Variants in GTPBP10 observed in about 807,000 individuals in gnomAD.
The protein encoded by GTPBP10 is GTP binding protein 10.
In GTPBP10, 38 loss-of-function variants were observed where a neutral mutation model predicts 44.8. The observed-to-expected ratio is 0.85, with a 90% CI of 0.65 to 1.11. The LOEUF (loss-of-function observed/expected upper bound fraction) is 1.11, where lower values mean the gene tolerates loss of function less well. Ranked by LOEUF, GTPBP10 falls within the 50% of genes most tolerant of loss-of-function variation. The pLI is 0.00. For synonymous variants in GTPBP10, 152 were observed against 150.6 expected (o/e 1.01, Z -0.07); for missense variants, 462 against 453.7 (o/e 1.02, Z -0.17).
intron 4 of GTPBP10, among the ~76,000 whole-genome samples, chr7:90,366,694 G>A (rs1400656249): frequency 3.4e-5 from 5 of 148,808 alleles, no homozygotes; most frequent in Admixed American, 2.0e-4. Flanking sequence ...TTTTGCTAGC[G>A]GTCTATTTAT....
chr7:90,372,950 G>C (rs1796286195), intron 5 of GTPBP10, among the ~76,000 whole-genome samples: 1 of 152,146 alleles, frequency 6.6e-6, no homozygotes, highest in African/African-American at 2.4e-5. Context: ...GAATATGAAA[G>C]GGTACTATGA....
Position 90,391,280 on chromosome 7 carries a change from G to A in GTPBP10, c.*6126G>A, listed in dbSNP as rs1796611448. 6.6e-6 allele frequency: 1 copy of A among 152,026 alleles called. No homozygotes were observed. The highest frequency in any genetic ancestry group is 2.4e-5 in the African/African-American group (1 of 41,368). The allele number at this position is 152,026 out of a possible 1,614,324, so 9.4% of individuals were successfully genotyped here. On this transcript the variant is annotated 3_prime_UTR_variant, in exon 10 of 10. Transcript: ENST00000222511. ...TTTTGGACCACAGTTGACTGAAACT[G>A]AGGATGGGAGGAAGGGATGCTTAAA...
intron 4 of GTPBP10, among the ~76,000 whole-genome samples, chr7:90,356,474 TTACAGTC>T (rs1291274586): frequency 1.3e-5 from 2 of 152,164 alleles, no homozygotes; most frequent in Non-Finnish European, 1.5e-5. Flanking sequence ...AGAGACAACT[TTACAGTC>T]TAAGAGGAGC....
At chr7:90,374,808 TA>T (rs1796316265) in intron 6 of GTPBP10, among the ~76,000 whole-genome samples, 2 of 152,094 alleles carry the variant, frequency 1.3e-5, no homozygotes, top group Admixed American at 1.3e-4. Flanking sequence ...TCTGTATAAT[TA>T]GAAAAAAACT....
chr7:90,380,270 G>C (rs1351818323), intron 8 of GTPBP10, among the ~76,000 whole-genome samples: 1 of 151,858 alleles, frequency 6.6e-6, no homozygotes, highest in Non-Finnish European at 1.5e-5. Flanking sequence ...GTAGAAACAG[G>C]GTTTCACCAT....
Position 90,386,314 on chromosome 7 carries a change from A to G in GTPBP10, c.*1160A>G, listed in dbSNP as rs2115797291. ...AGACCTTAAAACCCTAAATTTGAAT[A>G]CATGTTCAATGATAGTAAAGATATG... is the stretch of plus-strand genomic sequence containing the variant. On this transcript the variant is annotated 3_prime_UTR_variant, in exon 10 of 10. Coordinates refer to ENST00000222511, the MANE Select transcript of GTPBP10 (RefSeq NM_033107.4). 2.0e-5 allele frequency: 3 copies of G among 152,338 alleles called. No individual in the cohort carries two copies. The South Asian group carries it at 6.2e-4, about 32-fold the overall frequency. 9.4% of individuals were successfully genotyped at this position (152,338 alleles called of 1,614,324 possible).
At chr7:90,357,030 C>T (rs1795916487) in intron 4 of GTPBP10, among the ~76,000 whole-genome samples, 2 of 152,158 alleles carry the variant, frequency 1.3e-5, no homozygotes, top group South Asian at 4.1e-4. Context: ...TGAAGAGTTA[C>T]TACTATGAAT....
At chr7:90,371,300 T>C in intron 4 of GTPBP10, 1 of 277,272 alleles carries the variant, frequency 3.6e-6, no homozygotes, top group Non-Finnish European at 5.5e-6. Context: ...AGGAAATTAG[T>C]TAAGTAAATT....
chr7:90,351,619 T>C (rs1028705294), intron 1 of GTPBP10, among the ~76,000 whole-genome samples: 4 of 152,228 alleles, frequency 2.6e-5, no homozygotes, highest in Non-Finnish European at 5.9e-5. Context: ...AATATCTGTA[T>C]ATAAGTGGAC....
chr7:90,348,701 C>T (rs765029697), intron 1 of GTPBP10, among the ~76,000 whole-genome samples: 8 of 151,488 alleles, frequency 5.3e-5, no homozygotes, highest in Non-Finnish European at 1.0e-4. Flanking sequence ...TATGGAAGTA[C>T]ATCATAATTT....
Position 90,377,565 on chromosome 7 carries a change from G to A in GTPBP10, c.650G>A (p.Gly217Asp), listed in dbSNP as rs1293687819. Residue 217 changes from glycine (G) to aspartate (D), a missense_variant, in exon 7 of 10, where the codon GGC becomes GAC. Transcript: ENST00000222511. ...IEGAHMNKGM[G>D]HKFLKHIERT... The stretch of plus-strand genomic sequence containing the variant: ...GGAGCACATATGAACAAAGGAATGG[G>A]CCACAAATTCCTCAAGCATATAGAA... The A allele has an allele frequency of 6.2e-7, 1 of 1,611,144 alleles. No individual in the cohort carries two copies.
rs749994319 is a variant in GTPBP10 at position 90,383,068 on chromosome 7, A to C, written c.890A>C (p.Gln297Pro). 13 of 1,573,896 alleles carry C rather than the reference A, an allele frequency of 8.3e-6. No homozygotes were observed. The highest frequency in any genetic ancestry group is 1.1e-5 in the Non-Finnish European group (13 of 1,156,362). ...TTCCATGAATTGATGAGCCAGCTCC[A>C]GAATCCTAAAGGTAAACCTATTTAT... ...DKFHELMSQL[Q>P]NPKDFLHLFE... Residue 297 changes from glutamine (Q) to proline (P), a missense_variant, in exon 9 of 10, where the codon CAG becomes CCG. By Grantham distance (76) the Gln-to-Pro change is moderately conservative. Coordinates refer to ENST00000222511, the MANE Select transcript of GTPBP10 (RefSeq NM_033107.4).
At chr7:90,380,811 C>G (rs763093025) in intron 8 of GTPBP10, among the ~76,000 whole-genome samples, 12 of 152,142 alleles carry the variant, frequency 7.9e-5, no homozygotes, top group Non-Finnish European at 1.6e-4. Context: ...CCCCCAAGCA[C>G]CCTGGCAACC....
intron 4 of GTPBP10, among the ~76,000 whole-genome samples, chr7:90,369,249 G>T (rs1796202920): frequency 6.6e-6 from 1 of 152,180 alleles, no homozygotes; most frequent in Admixed American, 6.5e-5. Flanking sequence ...GCTACTCGGG[G>T]GTCAGGGACC....
rs1048906846 is a variant in GTPBP10, at chr7:90,390,086, C to T, written c.*4932C>T. The T allele has an allele frequency of 6.6e-6, 1 of 152,156 alleles. No homozygotes were observed. Among genetic ancestry groups the T allele is most frequent in the Admixed American group, 6.5e-5 (1 of 15,270 alleles). 9.4% of individuals were successfully genotyped at this position (152,156 alleles called of 1,614,324 possible). On this transcript the variant is annotated 3_prime_UTR_variant, in exon 10 of 10. Transcript: ENST00000222511. ...GATTATAGGCATGAGCCATTTATGC[C>T]CAGCCAGTTTTCTTTTTTCTAATTG...
intron 1 of GTPBP10, among the ~76,000 whole-genome samples, chr7:90,347,335 G>A (rs926430352): frequency 1.3e-5 from 2 of 151,692 alleles, no homozygotes; most frequent in Admixed American, 6.6e-5. Flanking sequence ...CGTCATATTT[G>A]GCCATTACTT....
intron 9 of GTPBP10, 104 bp downstream of exon 9, chr7:90,383,183 C>T: frequency 1.3e-6 from 1 of 774,268 alleles, no homozygotes; most frequent in Non-Finnish European, 1.9e-6. Flanking sequence ...TCTTAAAAGT[C>T]AAGTTTGAAG....
chr7:90,377,879 A>C, intron 7 of GTPBP10: 1 of 333,160 alleles, frequency 3.0e-6, no homozygotes, highest in Non-Finnish European at 4.3e-6. Flanking sequence ...TGATGATGCT[A>C]GAGTTATATA....
intron 4 of GTPBP10, among the ~76,000 whole-genome samples, chr7:90,370,879 C>T (rs1005033063): frequency 1.1e-4 from 16 of 151,534 alleles, no homozygotes; most frequent in Non-Finnish European, 1.8e-4. Flanking sequence ...TTGTGGCGGG[C>T]GCCTGTAGTC....
Sources: gnomAD v4.1 joint callset for allele counts (sites outside exome capture counted in the v4.1 genomes callset) on GRCh38, gnomAD v4.1.1 for gene constraint, MANE v1.5 for transcripts, NCBI Gene and HGNC (gene_info 2026-07-23, HGNC 2026-07-21) for gene names.